Variants in WNK1 observed in about 807,000 individuals in gnomAD.
WNK1 encodes the protein serine/threonine-protein kinase WNK1.
WNK1 carries 38 observed loss-of-function variants against 222.8 expected under a neutral mutation model. The ratio of observed to expected loss-of-function variants is 0.17; its 90% CI spans 0.13 to 0.22. WNK1 has a LOEUF of 0.22. Ranked by LOEUF, WNK1 falls within the 10% of genes least tolerant of loss-of-function variation. WNK1 has a pLI of 1.00. For synonymous variants in WNK1, 1,090 were observed against 1,092.9 expected, an observed-to-expected ratio of 1.00 and a Z score of 0.05; for missense variants, 2,348 against 2,918.4, an observed-to-expected ratio of 0.80 and a Z score of 4.50.
At chr12:863,795 A>G (rs1380969507) in intron 8 of WNK1, among the ~76,000 whole-genome samples, 2 of 152,200 alleles carry the variant, frequency 1.3e-5, no homozygotes, top group African/African-American at 4.8e-5. Flanking sequence ...GTCTCATTTC[A>G]GGAATGTGGC....
In WNK1 at chr12:886,212, A is replaced by G. The variant is rs7975948; in HGVS notation, c.5280+128A>G. The G allele has an allele frequency of 0.16, 139,848 of 857,460 alleles. 12,962 individuals are homozygous for G. The highest frequency in any genetic ancestry group is 0.4 in the East Asian group (14,426 of 35,782). 53.1% of individuals were successfully genotyped at this position (857,460 alleles called of 1,614,324 possible). A position where few individuals can be genotyped will look rare whatever the true frequency, so the allele number is the denominator to read the frequency against. The stretch of plus-strand genomic sequence containing the variant: ...TAAAGGTACCTGGCTTATAGTATTT[A>G]TTAAATTGACAGCAGTTTGAGGGTA... On this transcript the variant is annotated intron_variant, in intron 19 of 27. Coordinates refer to ENST00000315939, the MANE Select transcript of WNK1 (RefSeq NM_018979.4).
intron 1 of WNK1, among the ~76,000 whole-genome samples, chr12:791,594 T>TTA (rs1337331434): frequency 2.6e-5 from 4 of 152,158 alleles, no homozygotes; most frequent in African/African-American, 9.7e-5. Context: ...CTATTACATT[T>TTA]TATATCTAGC....
At position 851,793 on chromosome 12, in the gene WNK1, A is replaced by C. The variant is rs189301461; in HGVS notation, c.1312-5368A>C. ...GATTGTATAAATGAGGTAGGTAAGA[A>C]TTTCCAGTATATGTAACAGTTTATA... On this transcript the variant is annotated intron_variant, in intron 4 of 27. Transcript: ENST00000315939. The C allele has an allele frequency of 7.5e-6, 10 of 1,336,202 alleles. No individual in the cohort carries two copies. The East Asian group carries it at 4.6e-4, about 61-fold the overall frequency. 82.8% of individuals were successfully genotyped at this position (1,336,202 alleles called of 1,614,324 possible).
intron 22 of WNK1, among the ~76,000 whole-genome samples, chr12:892,535 A>T (rs1226135976): frequency 1.3e-5 from 2 of 152,128 alleles, no homozygotes; most frequent in Admixed American, 1.3e-4. Context: ...AATTTTCTTC[A>T]TGGAAGAAAA....
chr12:869,118 T>C, intron 8 of WNK1: 1 of 1,613,944 alleles, frequency 6.2e-7, no homozygotes, highest in Non-Finnish European at 8.5e-7. Flanking sequence ...ATAGGAAAAC[T>C]TCCACAATTA....
Position 908,783 on chromosome 12 carries a change from G to A in WNK1, c.7140G>A (p.Arg2380=), listed in dbSNP as rs1955908880. The change falls in exon 28 of 28, where the codon CGG becomes CGA. Residue 2380 remains arginine, a synonymous_variant. Coordinates refer to ENST00000315939, the MANE Select transcript of WNK1 (RefSeq NM_018979.4). ...GCAACCCCCCAGGCTCCAACCTGCG[G>A]ACCACTTAGACCTAGAGACATTAAC... ...SISNPPGSNL[R]TT The A allele has an allele frequency of 7.4e-7, 1 of 1,354,656 alleles. No individual in the cohort carries two copies. Among genetic ancestry groups the A allele is most frequent in the African/African-American group, 1.6e-5 (1 of 63,278 alleles). The allele number at this position is 1,354,656 out of a possible 1,614,324, so 83.9% of individuals were successfully genotyped here.
chr12:821,236 T>TGGCTTG (rs1156562794), intron 2 of WNK1, among the ~76,000 whole-genome samples: 1 of 152,168 alleles, frequency 6.6e-6, no homozygotes, highest in Non-Finnish European at 1.5e-5. Context: ...CAGTTGGGTT[T>TGGCTTG]GGCTTGCCAA....
chr12:885,459 C>G lies in WNK1; in HGVS notation c.4655C>G (p.Ser1552Cys). 1 of 1,613,958 alleles carries G rather than the reference C, an allele frequency of 6.2e-7. No individual in the cohort carries two copies. The highest frequency in any genetic ancestry group is 1.1e-5 in the South Asian group (1 of 91,086). ...FSLSAPSSSSSPGAGVSSYIS... is the reference protein window; with the variant it reads ...FSLSAPSSSSCPGAGVSSYIS... Reference sequence around the variant, plus strand: ...CTCTCTGCACCATCTTCCTCTTCCTCTCCTGGAGCAGGAGTGTCTAGTTAT... The same window carrying G: ...CTCTCTGCACCATCTTCCTCTTCCTGTCCTGGAGCAGGAGTGTCTAGTTAT... Residue 1552 changes from serine to cysteine, a missense_variant, in exon 19 of 28, where the codon TCT becomes TGT. This residue lies in a region of WNK1 where 1,144 missense variants were observed against 1,273.6 expected (regional missense o/e 0.90). Coordinates refer to ENST00000315939, the MANE Select transcript of WNK1 (RefSeq NM_018979.4).
intron 4 of WNK1, among the ~76,000 whole-genome samples, chr12:834,794 A>G (rs1949056135): frequency 6.6e-6 from 1 of 152,154 alleles, no homozygotes; most frequent in Non-Finnish European, 1.5e-5. Flanking sequence ...GGGGGTGTGT[A>G]GAATGAAAGA....
In WNK1 at chr12:753,998, G is replaced by T; in HGVS notation, c.433G>T (p.Glu145Ter). ...GCCTCCAGCCGCTGCCGCCCCTGGG[G>T]AACAGGCCGTCGCGGGCCCTGCCCC... ...QQPPAAAAPG[E>*]QAVAGPAPST... The change falls in exon 1 of 28, where the codon GAA (glutamate) becomes TAA (stop). Residue 145 changes from glutamate to a stop codon, truncating the protein, a stop_gained. Coordinates refer to ENST00000315939, the MANE Select transcript of WNK1 (RefSeq NM_018979.4). LOFTEE classifies it high-confidence loss of function. The surrounding 1 kb of genome is among the most constrained non-coding windows in gnomAD (Gnocchi z 5.2). The T allele has an allele frequency of 6.3e-7, 1 of 1,589,938 alleles. No homozygotes were observed. Among genetic ancestry groups the T allele is most frequent in the East Asian group, 2.3e-5 (1 of 43,578 alleles).
At chr12:880,607 G>A (rs920575677) in intron 11 of WNK1, 114 bp from the exon 12 acceptor site, 8 of 1,125,804 alleles carry the variant, frequency 7.1e-6, no homozygotes, top group South Asian at 3.8e-5. Flanking sequence ...AAAGAGATTG[G>A]CTACTATTCT....
rs762092023 is a variant in WNK1 at position 900,682 on chromosome 12, A to C, written c.6643+12A>C. 1.2e-6 allele frequency: 2 copies of C among 1,614,158 alleles called. No homozygotes were observed. Among genetic ancestry groups the C allele is most frequent in the Non-Finnish European group, 1.7e-6 (2 of 1,179,990 alleles). ...TGCTCCAGGTCAAGGTAATAAAGCAACCATCATCGTCCAAAAACAATAAAA... is the reference window on the plus strand; with the variant it reads ...TGCTCCAGGTCAAGGTAATAAAGCACCCATCATCGTCCAAAAACAATAAAA... On this transcript the variant is annotated intron_variant, in intron 26 of 27. Coordinates refer to ENST00000315939, the MANE Select transcript of WNK1 (RefSeq NM_018979.4).
intron 1 of WNK1, among the ~76,000 whole-genome samples, chr12:793,897 CA>C (rs895376614): frequency 1.3e-5 from 2 of 150,478 alleles, no homozygotes; most frequent in African/African-American, 4.9e-5. Flanking sequence ...TCACTTCCTC[CA>C]AAAAAAAAGA....
intron 2 of WNK1, among the ~76,000 whole-genome samples, chr12:821,381 G>A (rs1947867396): frequency 1.3e-5 from 2 of 152,134 alleles, no homozygotes. Context: ...TTGCTTTTTG[G>A]AAGAGTAGGA....
Position 882,962 on chromosome 12 carries a change from G to A in WNK1, c.3392G>A (p.Arg1131Gln). 2 of 1,611,944 alleles carry A rather than the reference G, an allele frequency of 1.2e-6. No individual in the cohort carries two copies. Among genetic ancestry groups the A allele is most frequent in the Non-Finnish European group, 8.5e-7 (1 of 1,178,094 alleles). ...RILNVSNKGD[R>Q]VVECQLETHN... ...TTTTAGGTTTCAAATAAAGGAGACC[G>A]AGTAGTAGAATGTCAATTAGAGACT... The change falls in exon 15 of 28, where the codon CGA becomes CAA. Residue 1131 changes from arginine to glutamine, a missense_variant. Around this residue, in one of 13 missense-constraint regions of WNK1, gnomAD observed 20 missense variants for 65.0 expected, o/e 0.31. Coordinates refer to ENST00000315939, the MANE Select transcript of WNK1 (RefSeq NM_018979.4).
chr12:800,014 C>T (rs574802147), intron 1 of WNK1, among the ~76,000 whole-genome samples: 67 of 152,194 alleles, frequency 4.4e-4, no homozygotes, highest in African/African-American at 1.3e-3. Context: ...CACAGTGGTG[C>T]GCACCCATAG....
At chr12:774,983 A>T (rs946512547) in intron 1 of WNK1, among the ~76,000 whole-genome samples, 84 of 152,244 alleles carry the variant, frequency 5.5e-4, no homozygotes, top group African/African-American at 1.9e-3. Context: ...TTATACCATC[A>T]AATTGGTTAG....
chr12:831,252 G>A (rs1251228739), intron 4 of WNK1, among the ~76,000 whole-genome samples: 1 of 152,046 alleles, frequency 6.6e-6, no homozygotes, highest in Non-Finnish European at 1.5e-5. Context: ...GAATTCATTT[G>A]TAGGGCCGGG....
At chr12:859,809 G>C (rs1214462738) in intron 6 of WNK1, among the ~76,000 whole-genome samples, 1 of 151,396 alleles carries the variant, frequency 6.6e-6, no homozygotes, top group Non-Finnish European at 1.5e-5. Flanking sequence ...TTAAACTCCT[G>C]AACTCAAGCA....
Sources: gnomAD v4.1 joint callset for allele counts (sites outside exome capture counted in the v4.1 genomes callset) on GRCh38, gnomAD v4.1.1 for gene constraint, gnomAD v4.1.1 regional missense constraint, Gnocchi (gnomAD v3.1) non-coding constraint, MANE v1.5 for transcripts, NCBI Gene and HGNC (gene_info 2026-07-23, HGNC 2026-07-21) for gene names.